MAGI1: variants seen among roughly 807,000 people sequenced by gnomAD.
MAGI1 encodes membrane-associated guanylate kinase, WW and PDZ domain-containing protein 1.
A neutral mutation model predicts 139.9 loss-of-function variants in MAGI1; 58 were observed. That is an observed-to-expected ratio of 0.41 (90% CI 0.34 to 0.52). The LOEUF (loss-of-function observed/expected upper bound fraction) is 0.52. Ranked by LOEUF, MAGI1 falls within the 20% of genes least tolerant of loss-of-function variation. The probability of loss-of-function intolerance (pLI) is 0.12; values close to 1 mark genes in which losing one functional copy is unlikely to be tolerated. For synonymous variants in MAGI1, 812 were observed against 737.9 expected, an observed-to-expected ratio of 1.10 and a Z score of -1.63; for missense variants, 1,874 against 1,901.6, an observed-to-expected ratio of 0.99 and a Z score of 0.27.
intron 1 of MAGI1, among the ~76,000 whole-genome samples, chr3:66,035,845 A>G (rs1302518258): frequency 6.6e-6 from 1 of 152,146 alleles, no homozygotes; most frequent in Non-Finnish European, 1.5e-5. Context: ...CCACTTGATT[A>G]TCTCACCAAG....
intron 1 of MAGI1, among the ~76,000 whole-genome samples, chr3:65,670,498 C>A (rs1201644125): frequency 1.3e-5 from 2 of 151,940 alleles, no homozygotes; most frequent in East Asian, 1.9e-4. Flanking sequence ...AAATCCTCAA[C>A]CCCAAAATAA....
At chr3:65,716,449 C>G (rs1254253719) in intron 1 of MAGI1, among the ~76,000 whole-genome samples, 1 of 152,030 alleles carries the variant, frequency 6.6e-6, no homozygotes. Context: ...GTGCAGTGCA[C>G]AAAAATGAGG....
At chr3:65,916,546 A>T (rs2061916395) in intron 1 of MAGI1, among the ~76,000 whole-genome samples, 1 of 152,176 alleles carries the variant, frequency 6.6e-6, no homozygotes, top group South Asian at 2.1e-4. Context: ...ATATTGTGAG[A>T]CTTTTTCACT....
At chr3:65,410,616 CG>C (rs1945719103) in intron 12 of MAGI1, among the ~76,000 whole-genome samples, 1 of 152,164 alleles carries the variant, frequency 6.6e-6, no homozygotes, top group Non-Finnish European at 1.5e-5. Flanking sequence ...GCTAGGTCAA[CG>C]GGGTCAAGGT....
intron 2 of MAGI1, among the ~76,000 whole-genome samples, chr3:65,520,029 G>A (rs1194512953): frequency 6.6e-6 from 1 of 152,062 alleles, no homozygotes; most frequent in Admixed American, 6.6e-5. Flanking sequence ...GACCCACAAG[G>A]AGAAAAAAGG....
chr3:65,960,265 T>C (rs1185313105), intron 1 of MAGI1, among the ~76,000 whole-genome samples: 7 of 152,124 alleles, frequency 4.6e-5, no homozygotes, highest in Admixed American at 3.9e-4. Context: ...AGATTCCTCA[T>C]GTGGAAAAGC....
chr3:65,461,418 C>T (rs1252232030), intron 5 of MAGI1, among the ~76,000 whole-genome samples: 7 of 150,278 alleles, frequency 4.7e-5, no homozygotes, highest in African/African-American at 1.5e-4. Context: ...TGTTTCACCA[C>T]GTTAGGCAGG....
intron 1 of MAGI1, among the ~76,000 whole-genome samples, chr3:65,651,327 T>G (rs1467295767): frequency 6.6e-6 from 1 of 152,180 alleles, no homozygotes; most frequent in African/African-American, 2.4e-5. Context: ...AATTATCTTT[T>G]GAAGAAACAC....
chr3:65,777,372 A>G (rs191403953), intron 1 of MAGI1, among the ~76,000 whole-genome samples: 1 of 152,144 alleles, frequency 6.6e-6, no homozygotes, highest in African/African-American at 2.4e-5. Flanking sequence ...GGAAAATACT[A>G]TGTGTCAAGA....
At chr3:65,664,423 C>T (rs1198441685) in intron 1 of MAGI1, among the ~76,000 whole-genome samples, 6 of 152,068 alleles carry the variant, frequency 3.9e-5, no homozygotes, top group Non-Finnish European at 7.4e-5. Flanking sequence ...ATTTAATGCT[C>T]GTAACAACCC....
At chr3:65,926,364 TCTCTCC>T (rs1167507638) in intron 1 of MAGI1, among the ~76,000 whole-genome samples, 1 of 150,500 alleles carries the variant, frequency 6.6e-6, no homozygotes, top group Non-Finnish European at 1.5e-5. Context: ...TCTCTCTCTC[TCTCTCC>T]CTCTTTCCCT....
intron 1 of MAGI1, among the ~76,000 whole-genome samples, chr3:65,929,860 G>C (rs1435879130): frequency 6.6e-6 from 1 of 152,074 alleles, no homozygotes; most frequent in African/African-American, 2.4e-5. Context: ...GAGTGGGCTG[G>C]GGAGAAATTC....
chr3:65,665,118 A>G (rs2086430033), intron 1 of MAGI1, among the ~76,000 whole-genome samples: 1 of 152,202 alleles, frequency 6.6e-6, no homozygotes, highest in Non-Finnish European at 1.5e-5. Context: ...ATCTAAAGCA[A>G]GTGTTCACCC....
intron 12 of MAGI1, among the ~76,000 whole-genome samples, chr3:65,420,776 TCA>T (rs1338099298): frequency 3.3e-5 from 5 of 152,156 alleles, no homozygotes; most frequent in Non-Finnish European, 5.9e-5. Flanking sequence ...GAACTATAAA[TCA>T]CACACGAACA....
At chr3:65,591,567 G>A (rs1162538102) in intron 2 of MAGI1, among the ~76,000 whole-genome samples, 1 of 152,094 alleles carries the variant, frequency 6.6e-6, no homozygotes, top group Non-Finnish European at 1.5e-5. Context: ...CTTTGTGAAT[G>A]TTCATTGGGA....
chr3:65,996,035 C>T (rs2066430417), intron 1 of MAGI1, among the ~76,000 whole-genome samples: 1 of 152,032 alleles, frequency 6.6e-6, no homozygotes, highest in Admixed American at 6.6e-5. Context: ...TCTTTTTCAG[C>T]TTTCTAAAAA....
intron 1 of MAGI1, among the ~76,000 whole-genome samples, chr3:65,858,479 A>G (rs2059440414): frequency 6.6e-6 from 1 of 152,246 alleles, no homozygotes; most frequent in African/African-American, 2.4e-5. Context: ...TAATGCTATT[A>G]ATAAATTGGT....
At chr3:65,407,399 A>ATCACACCACTGCAC (rs1945430605) in intron 12 of MAGI1, among the ~76,000 whole-genome samples, 1 of 151,634 alleles carries the variant, frequency 6.6e-6, no homozygotes, top group South Asian at 2.1e-4. Flanking sequence ...GTGAGCCAAG[A>ATCACACCACTGCAC]TCACACCACT....
intron 8 of MAGI1, among the ~76,000 whole-genome samples, chr3:65,440,264 G>T (rs1017136069): frequency 3.9e-5 from 6 of 152,114 alleles, no homozygotes; most frequent in Non-Finnish European, 8.8e-5. Context: ...AATGCCAGGA[G>T]GTAAGTCCTA....
Sources: gnomAD v4.1 joint callset for allele counts (sites outside exome capture counted in the v4.1 genomes callset) on GRCh38, gnomAD v4.1.1 for gene constraint, MANE v1.5 for transcripts, NCBI Gene and HGNC (gene_info 2026-07-23, HGNC 2026-07-21) for gene names.